IL1RAPL2: variants seen among roughly 807,000 people sequenced by gnomAD.
The protein encoded by IL1RAPL2 is X-linked interleukin-1 receptor accessory protein-like 2.
In IL1RAPL2, 3 loss-of-function variants were observed where a neutral mutation model predicts 44.1. The observed-to-expected ratio is 0.07, with a 90% confidence interval of 0.03 to 0.18. The LOEUF is 0.18. Ranked by LOEUF, IL1RAPL2 falls within the 10% of genes least tolerant of loss-of-function variation. The pLI, the probability that IL1RAPL2 is intolerant of heterozygous loss-of-function variation, is 1.00. For missense variants in IL1RAPL2, 391 were observed against 496.4 expected, an observed-to-expected ratio of 0.79 and a Z score of 2.02; for synonymous variants, 181 against 178.8, an observed-to-expected ratio of 1.01 and a Z score of -0.10.
intron 6 of IL1RAPL2, among the ~76,000 whole-genome samples, chrX:105,555,024 AAG>A (rs761905372): frequency 5.3e-4 from 58 of 109,283 alleles, no homozygotes; most frequent in Middle Eastern, 4.7e-3. Flanking sequence ...AAACATTTTC[AAG>A]CCTTGTGTAA....
At chrX:104,885,753 C>G (rs1341892808) in intron 2 of IL1RAPL2, among the ~76,000 whole-genome samples, 4 of 112,230 alleles carry the variant, frequency 3.6e-5, no homozygotes, top group Non-Finnish European at 7.5e-5. Context: ...ATGGAGCAGG[C>G]CAATCACCTG....
At chrX:104,895,966 A>T (rs1195583581) in intron 2 of IL1RAPL2, among the ~76,000 whole-genome samples, 2 of 111,715 alleles carry the variant, frequency 1.8e-5, no homozygotes, top group Non-Finnish European at 3.8e-5. Flanking sequence ...TGACTCTCCA[A>T]AACCACCAAG....
intron 2 of IL1RAPL2, among the ~76,000 whole-genome samples, chrX:105,067,772 GAC>G (rs890005259): frequency 8.9e-6 from 1 of 111,735 alleles, no homozygotes; most frequent in Admixed American, 9.5e-5. Flanking sequence ...TACCTGCAGA[GAC>G]ACACACGCGT....
intron 2 of IL1RAPL2, among the ~76,000 whole-genome samples, chrX:104,666,276 C>T (rs1407081173): frequency 1.8e-5 from 2 of 112,024 alleles, no homozygotes; most frequent in African/African-American, 3.2e-5. Flanking sequence ...ACAACATCAA[C>T]ATCTGATATG....
At chrX:105,631,422 G>T (rs1487311416) in intron 6 of IL1RAPL2, among the ~76,000 whole-genome samples, 2 of 111,949 alleles carry the variant, frequency 1.8e-5, no homozygotes, top group Non-Finnish European at 3.8e-5. Flanking sequence ...ATCCCATCTG[G>T]TCCTTCTTCA....
chrX:104,673,560 A>G (rs1216615234), intron 2 of IL1RAPL2, among the ~76,000 whole-genome samples: 2 of 111,391 alleles, frequency 1.8e-5, no homozygotes, highest in Admixed American at 9.5e-5. Context: ...CTTTTGGCTT[A>G]GGATTGATTT....
chrX:105,050,300 G>C (rs1291633111), intron 2 of IL1RAPL2, among the ~76,000 whole-genome samples: 1 of 111,954 alleles, frequency 8.9e-6, no homozygotes, highest in African/African-American at 3.2e-5. Context: ...CTTTCCATTT[G>C]TCATTTCTAT....
chrX:105,150,098 A>G (rs1412670530), intron 2 of IL1RAPL2, among the ~76,000 whole-genome samples: 1 of 110,816 alleles, frequency 9.0e-6, no homozygotes, highest in East Asian at 2.9e-4. Context: ...TTAGTTCAAC[A>G]TCAATATAGA....
chrX:104,831,252 A>AT (rs1172783345), intron 2 of IL1RAPL2, among the ~76,000 whole-genome samples: 1 of 111,544 alleles, frequency 9.0e-6, no homozygotes, highest in African/African-American at 3.3e-5. Context: ...TTCTTCAAAG[A>AT]TTTTTTTCAA....
At chrX:105,694,579 C>T (rs1243943390) in intron 6 of IL1RAPL2, among the ~76,000 whole-genome samples, 1 of 111,078 alleles carries the variant, frequency 9.0e-6, no homozygotes, top group African/African-American at 3.3e-5. Flanking sequence ...AATTCCTGAC[C>T]CATGATCTTT....
At chrX:104,650,368 A>G (rs1003449673) in intron 1 of IL1RAPL2, among the ~76,000 whole-genome samples, 1 of 111,747 alleles carries the variant, frequency 8.9e-6, no homozygotes, top group Middle Eastern at 4.2e-3. Flanking sequence ...ATAAACCTAA[A>G]TTTCAGTGTA....
chrX:105,595,143 C>A (rs891770731), intron 6 of IL1RAPL2, among the ~76,000 whole-genome samples: 7 of 111,915 alleles, frequency 6.3e-5, no homozygotes, highest in Non-Finnish European at 1.1e-4. Context: ...GAAGAAAGGA[C>A]TTTTTTGATC....
At chrX:104,708,711 T>C (rs759730072) in intron 2 of IL1RAPL2, among the ~76,000 whole-genome samples, 6 of 110,555 alleles carry the variant, frequency 5.4e-5, no homozygotes, top group Admixed American at 9.7e-5. Context: ...GCAAGGAAAA[T>C]ATTATAGAAC....
chrX:104,815,384 G>T (rs1921105281), intron 2 of IL1RAPL2, among the ~76,000 whole-genome samples: 1 of 110,716 alleles, frequency 9.0e-6, no homozygotes, highest in South Asian at 3.9e-4. Flanking sequence ...CCTTCTTGAG[G>T]GTGCCTGAAT....
Position 105,736,982 on chromosome X carries a change from T to C in IL1RAPL2, c.903-3564T>C, listed in dbSNP as rs901046509. On this transcript the variant is annotated intron_variant, in intron 7 of 10. Transcript: ENST00000372582. Reference sequence around the variant, plus strand: ...AGCAAAGACATGGAATCAACTTAAATGCCCATCAGTGGTAGACTGGATAAA... The same window carrying C: ...AGCAAAGACATGGAATCAACTTAAACGCCCATCAGTGGTAGACTGGATAAA... 5.4e-5 allele frequency among the ~76,000 whole-genome samples: 6 copies of C among 111,856 alleles called. No homozygotes were observed. The East Asian group carries it at 1.1e-3, about 21-fold the overall frequency.
chrX:105,675,170 T>C (rs1198926780), intron 6 of IL1RAPL2, among the ~76,000 whole-genome samples: 2 of 111,415 alleles, frequency 1.8e-5, no homozygotes, highest in Non-Finnish European at 3.8e-5. Flanking sequence ...TCCTGCCTGG[T>C]TGCCTGGCCA....
At chrX:105,503,594 A>G (rs982011290) in intron 6 of IL1RAPL2, among the ~76,000 whole-genome samples, 6 of 111,762 alleles carry the variant, frequency 5.4e-5, no homozygotes, top group Non-Finnish European at 1.1e-4. Context: ...GTGGATGACT[A>G]CAACATACCC....
At chrX:104,829,969 G>T (rs1313193091) in intron 2 of IL1RAPL2, among the ~76,000 whole-genome samples, 1 of 111,916 alleles carries the variant, frequency 8.9e-6, no homozygotes, top group African/African-American at 3.2e-5. Flanking sequence ...TCTGCCTATA[G>T]TCATGCAGCT....
intron 2 of IL1RAPL2, among the ~76,000 whole-genome samples, chrX:105,066,480 AT>A (rs1332020852): frequency 1.8e-5 from 2 of 111,299 alleles, no homozygotes; most frequent in African/African-American, 6.5e-5. Context: ...GGAGAAGTGT[AT>A]TTTGTCAGTT....
Sources: allele counts gnomAD v4.1 joint callset (sites outside exome capture counted in the v4.1 genomes callset), GRCh38; gene constraint gnomAD v4.1.1; transcripts MANE v1.5; gene names NCBI Gene and HGNC (gene_info 2026-07-23, HGNC 2026-07-21).